Variants in MAST2 observed in about 807,000 individuals in gnomAD.
The protein encoded by MAST2 is microtubule associated serine/threonine kinase 2, also known as microtubule-associated serine/threonine-protein kinase 2.
Under a neutral mutation model 147.4 loss-of-function variants are expected in MAST2, and 70 were observed. The observed-to-expected ratio is 0.47, with a 90% confidence interval of 0.39 to 0.58. The LOEUF (loss-of-function observed/expected upper bound fraction) is 0.58. MAST2 is among the 20% of genes least tolerant of loss of function. The probability of loss-of-function intolerance (pLI) is 0.00; values close to 1 mark genes in which losing one functional copy is unlikely to be tolerated. For missense variants in MAST2, 2,080 were observed against 2,302.3 expected, an observed-to-expected ratio of 0.90 and a Z score of 1.98; for synonymous variants, 869 against 896.8, an observed-to-expected ratio of 0.97 and a Z score of 0.55.
At chr1:45,874,122 A>G (rs1646504644) in intron 3 of MAST2, among the ~76,000 whole-genome samples, 1 of 152,182 alleles carries the variant, frequency 6.6e-6, no homozygotes, top group Admixed American at 6.5e-5. Context: ...TGACTGGTCT[A>G]AAGTATTTTC....
At chr1:45,813,933 T>C (rs1644377265) in intron 1 of MAST2, among the ~76,000 whole-genome samples, 1 of 152,210 alleles carries the variant, frequency 6.6e-6, no homozygotes, top group Non-Finnish European at 1.5e-5. Context: ...ATTATAAGCA[T>C]GAACTATTAT....
chr1:45,980,950 CAG>C (rs573804972), intron 5 of MAST2, among the ~76,000 whole-genome samples: 23 of 152,294 alleles, frequency 1.5e-4, no homozygotes, highest in African/African-American at 2.9e-4. Context: ...TTTATCAAAA[CAG>C]GGGAATTTCA....
Position 46,035,841 on chromosome 1 carries a change from C to T in MAST2, c.5172C>T (p.Gly1724=). 1.2e-6 allele frequency: 2 copies of T among 1,614,120 alleles called. No homozygotes were observed. Among genetic ancestry groups the T allele is most frequent in the Non-Finnish European group, 1.7e-6 (2 of 1,180,038 alleles). ...AHPSYEDPSQ[G]WLWESECAQA... is the part of the protein sequence containing the mutation. ...CATCTTATGAGGATCCCAGCCAGGG[C>T]TGGCTATGGGAGTCTGAGTGTGCAC... The change falls in exon 29 of 29, where the codon GGC becomes GGT. Residue 1724 remains glycine (G), a synonymous_variant. Coordinates refer to ENST00000361297, the MANE Select transcript of MAST2 (RefSeq NM_015112.3). This position sits in a 1 kb window ranked among gnomAD's most constrained non-coding sequence, Gnocchi z 5.5.
At chr1:45,970,946 G>A (rs371556201) in intron 5 of MAST2, among the ~76,000 whole-genome samples, 3 of 151,916 alleles carry the variant, frequency 2.0e-5, no homozygotes, top group Non-Finnish European at 4.4e-5. Flanking sequence ...TTGTATAACT[G>A]TACCACAATG....
At chr1:45,811,032 G>C (rs879577365) in intron 1 of MAST2, among the ~76,000 whole-genome samples, 7 of 150,668 alleles carry the variant, frequency 4.6e-5, no homozygotes, top group Non-Finnish European at 1.0e-4. Context: ...TTGTATTTTA[G>C]TAGAGACGGA....
intron 1 of MAST2, among the ~76,000 whole-genome samples, chr1:45,820,977 G>A (rs1334428305): frequency 7.5e-6 from 1 of 133,958 alleles, no homozygotes; most frequent in East Asian, 2.1e-4. Context: ...TTGGCTCACT[G>A]CAGTGTTGAC....
intron 4 of MAST2, among the ~76,000 whole-genome samples, chr1:45,891,390 A>G (rs1319191446): frequency 6.6e-6 from 1 of 152,072 alleles, no homozygotes; most frequent in East Asian, 1.9e-4. Flanking sequence ...CTAGCTACTT[A>G]GGGGGCTGAA....
chr1:46,015,326 G>T (rs1397156502), intron 10 of MAST2, among the ~76,000 whole-genome samples: 1 of 152,148 alleles, frequency 6.6e-6, no homozygotes, highest in Non-Finnish European at 1.5e-5. Flanking sequence ...ACTAAAATCA[G>T]AGCAGAACTG....
Position 46,031,386 on chromosome 1 carries a change from T to C in MAST2, c.2993-5T>C. The C allele has an allele frequency of 6.2e-7, 1 of 1,607,842 alleles. No homozygotes were observed. The highest frequency in any genetic ancestry group is 8.5e-7 in the Non-Finnish European group (1 of 1,175,678). On this transcript the variant is annotated splice_polypyrimidine_tract_variant and splice_region_variant and intron_variant, in intron 23 of 28. Coordinates refer to ENST00000361297, the MANE Select transcript of MAST2 (RefSeq NM_015112.3). This position sits in a 1 kb window ranked among gnomAD's most constrained non-coding sequence, Gnocchi z 4.1. Reference sequence around the variant, plus strand: ...GCGGGTCTCACTGCTTACTTGGGCCTACAGCTATGGAGACCCGAGGCCGTG... The same window carrying C: ...GCGGGTCTCACTGCTTACTTGGGCCCACAGCTATGGAGACCCGAGGCCGTG...
chr1:45,920,851 T>G (rs1174236891), intron 4 of MAST2, among the ~76,000 whole-genome samples: 1 of 152,218 alleles, frequency 6.6e-6, no homozygotes, highest in East Asian at 1.9e-4. Context: ...CATGTTCATT[T>G]TTTTTTCGAT....
chr1:45,814,995 G>T (rs550972199), intron 1 of MAST2, among the ~76,000 whole-genome samples: 3 of 152,110 alleles, frequency 2.0e-5, no homozygotes, highest in African/African-American at 7.2e-5. Context: ...TTCAGCCCAA[G>T]GGAACCATGT....
At chr1:45,849,022 C>T (rs1645535065) in intron 3 of MAST2, among the ~76,000 whole-genome samples, 1 of 152,064 alleles carries the variant, frequency 6.6e-6, no homozygotes, top group Admixed American at 6.6e-5. Flanking sequence ...ATACTGCTAA[C>T]CAGGGAGGTG....
intron 4 of MAST2, among the ~76,000 whole-genome samples, chr1:45,888,869 A>G (rs1286693853): frequency 3.3e-5 from 5 of 149,350 alleles, no homozygotes; most frequent in African/African-American, 1.2e-4. Flanking sequence ...TTTAGTAGAG[A>G]CGGGGTTTCA....
At chr1:46,027,487 A>T (rs1434008387) in intron 16 of MAST2, among the ~76,000 whole-genome samples, 1 of 152,220 alleles carries the variant, frequency 6.6e-6, no homozygotes, top group East Asian at 1.9e-4. Flanking sequence ...AGTTAGGGCA[A>T]TAAGCAGAAA....
chr1:45,910,207 A>T (rs191067616), intron 4 of MAST2, among the ~76,000 whole-genome samples: 1 of 145,820 alleles, frequency 6.9e-6, no homozygotes, highest in East Asian at 2.0e-4. Flanking sequence ...TTTTCTGTCT[A>T]TGTTGGGATC....
intron 4 of MAST2, among the ~76,000 whole-genome samples, chr1:45,905,081 G>T (rs1650455158): frequency 6.6e-6 from 1 of 152,120 alleles, no homozygotes; most frequent in South Asian, 2.1e-4. Flanking sequence ...AAAGTTCTGG[G>T]ATTGTAGGCA....
rs114973269 is a variant in MAST2, at chr1:45,951,228, A to G, written c.501-8158A>G. 7.6e-3 allele frequency among the ~76,000 whole-genome samples: 1,155 copies of G among 152,300 alleles called. 21 individuals carry two copies. The highest frequency in any genetic ancestry group is 0.026 in the African/African-American group (1,097 of 41,562). Reference sequence around the variant, plus strand: ...AGAGTGAGAACCTGTCTCAAAAAGAAAAACAAAGTAACATTAGAGATTAAG... The same window carrying G: ...AGAGTGAGAACCTGTCTCAAAAAGAGAAACAAAGTAACATTAGAGATTAAG... On this transcript the variant is annotated intron_variant, in intron 4 of 28. Transcript: ENST00000361297.
At position 46,012,252 on chromosome 1, in the gene MAST2, C is replaced by T. The variant is rs78217431; in HGVS notation, c.1188+1313C>T. On this transcript the variant is annotated intron_variant, in intron 10 of 28. Transcript: ENST00000361297. ...TAATGTAGAGTAACTTCCAAGTTTC[C>T]TGGTATGTTTAAGATTTATCTTCTA... is the stretch of plus-strand genomic sequence containing the variant. Among the ~76,000 whole-genome samples, 83 of 152,242 alleles carry T rather than the reference C, an allele frequency of 5.5e-4. No homozygotes were observed. In the East Asian group the frequency reaches 0.013, roughly 24 times the overall value.
chr1:45,983,504 T>G (rs920765850), intron 5 of MAST2, among the ~76,000 whole-genome samples: 3 of 151,480 alleles, frequency 2.0e-5, no homozygotes, highest in African/African-American at 4.9e-5. Context: ...TTTTTTTTTT[T>G]GTCTGAGACA....
Sources: gnomAD v4.1 joint callset for allele counts (sites outside exome capture counted in the v4.1 genomes callset) on GRCh38, gnomAD v4.1.1 for gene constraint, Gnocchi (gnomAD v3.1) non-coding constraint, MANE v1.5 for transcripts, NCBI Gene and HGNC (gene_info 2026-07-23, HGNC 2026-07-21) for gene names.